The following YARS1 variants were observed in gnomAD, a reference collection of about 807,000 sequenced individuals.
YARS1 encodes tyrosyl-tRNA synthetase 1, also known as tyrosine--tRNA ligase, cytoplasmic.
Under a neutral mutation model 62.2 loss-of-function variants are expected in YARS1, and 36 were observed. The ratio of observed to expected loss-of-function variants is 0.58; its 90% CI spans 0.44 to 0.76. The LOEUF is 0.76. Among genes scored for constraint, YARS1 ranks in the 30% least tolerant of loss-of-function variants. YARS1 has a pLI of 0.00. For synonymous variants in YARS1, 234 were observed against 244.9 expected (o/e 0.96, Z 0.42); for missense variants, 524 against 639.8 (o/e 0.82, Z 1.95).
At chr1:32,801,178 G>A (rs1231403732) in intron 4 of YARS1, among the ~76,000 whole-genome samples, 3 of 152,144 alleles carry the variant, frequency 2.0e-5, no homozygotes, top group African/African-American at 7.2e-5. Flanking sequence ...GAGACACACA[G>A]GAAGGCCTAT....
Position 32,801,388 on chromosome 1 carries a change from T to A in YARS1, c.511-3545A>T, listed in dbSNP as rs558455940. 2.6e-5 allele frequency among the ~76,000 whole-genome samples: 4 copies of A among 152,288 alleles called. No homozygotes were observed. The East Asian group carries it at 7.7e-4, about 29-fold the overall frequency. Reference sequence around the variant, plus strand: ...ACCGTAGTCTATTTAAAGTGTGTAATAGCGTTACATCTACAAAAACAACGT... The same window carrying A: ...ACCGTAGTCTATTTAAAGTGTGTAAAAGCGTTACATCTACAAAAACAACGT... On this transcript the variant is annotated intron_variant, in intron 4 of 12. Coordinates refer to ENST00000373477, the MANE Select transcript of YARS1 (RefSeq NM_003680.4).
At chr1:32,814,956 C>T (rs960967128) in intron 1 of YARS1, among the ~76,000 whole-genome samples, 2 of 152,156 alleles carry the variant, frequency 1.3e-5, no homozygotes, top group African/African-American at 4.8e-5. Flanking sequence ...TGCTCCAAGT[C>T]TTTTGGCAGC....
At chr1:32,801,211 T>C (rs1047952531) in intron 4 of YARS1, among the ~76,000 whole-genome samples, 4 of 151,914 alleles carry the variant, frequency 2.6e-5, no homozygotes, top group African/African-American at 9.7e-5. Context: ...GAATAGAAAA[T>C]GCATATATTT....
chr1:32,794,493 A>G (rs1021987532), intron 5 of YARS1, among the ~76,000 whole-genome samples: 3 of 152,072 alleles, frequency 2.0e-5, no homozygotes, highest in Non-Finnish European at 4.4e-5. Flanking sequence ...AGGCTCAAAC[A>G]ATTCTCCTGT....
chr1:32,817,048 T>G (rs1174501460), intron 1 of YARS1, 140 bp downstream of exon 1: 8 of 1,082,088 alleles, frequency 7.4e-6, no homozygotes, highest in Non-Finnish European at 7.0e-6. Context: ...CGACCAGCAG[T>G]GAGATCTACA....
intron 1 of YARS1, 127 bp from the exon 2 acceptor site, chr1:32,811,184 G>A (rs1638577060): frequency 7.1e-7 from 1 of 1,407,642 alleles, no homozygotes. Flanking sequence ...AGGAGGTCCA[G>A]CCATGTTCTC....
At chr1:32,796,082 C>T (rs886827632) in intron 5 of YARS1, among the ~76,000 whole-genome samples, 1 of 151,888 alleles carries the variant, frequency 6.6e-6, no homozygotes, top group Non-Finnish European at 1.5e-5. Context: ...ATCATGAGGT[C>T]AGGAGTTCGA....
chr1:32,780,906 G>A, intron 10 of YARS1, 142 bp downstream of exon 10: 1 of 770,802 alleles, frequency 1.3e-6, no homozygotes, highest in South Asian at 1.4e-5. Flanking sequence ...AAAGCCTGAT[G>A]CCTGGAATTA....
chr1:32,812,496 G>C (rs1411726348), intron 1 of YARS1, among the ~76,000 whole-genome samples: 1 of 152,164 alleles, frequency 6.6e-6, no homozygotes, highest in Non-Finnish European at 1.5e-5. Flanking sequence ...ATATTTCTTT[G>C]ACATATTTTG....
At chr1:32,806,639 T>C in intron 3 of YARS1, 28 bp from the exon 4 acceptor site, 2 of 1,614,100 alleles carry the variant, frequency 1.2e-6, no homozygotes, top group Non-Finnish European at 8.5e-7. Flanking sequence ...AGGGGACAGC[T>C]GTAAACCTGG....
intron 1 of YARS1, among the ~76,000 whole-genome samples, chr1:32,814,055 A>C (rs751965786): frequency 6.6e-6 from 1 of 152,194 alleles, no homozygotes; most frequent in Non-Finnish European, 1.5e-5. Context: ...ACTATGAGCC[A>C]GTAACTCCCA....
chr1:32,797,421 G>A (rs1449736309), intron 5 of YARS1, among the ~76,000 whole-genome samples: 1 of 152,080 alleles, frequency 6.6e-6, no homozygotes, highest in East Asian at 1.9e-4. Context: ...CGAACCAAAT[G>A]CTCTGTGAAA....
chr1:32,804,682 G>A (rs1319319201), intron 4 of YARS1, among the ~76,000 whole-genome samples: 6 of 151,294 alleles, frequency 4.0e-5, no homozygotes, highest in Admixed American at 2.0e-4. Context: ...ATGGGCAGCC[G>A]GGCAGAGACG....
At chr1:32,803,626 T>C (rs1457023718) in intron 4 of YARS1, among the ~76,000 whole-genome samples, 1 of 152,218 alleles carries the variant, frequency 6.6e-6, no homozygotes, top group Non-Finnish European at 1.5e-5. Flanking sequence ...GGCTATTTCA[T>C]CTACCTTGAA....
At chr1:32,803,195 G>T (rs1462243058) in intron 4 of YARS1, among the ~76,000 whole-genome samples, 1 of 151,548 alleles carries the variant, frequency 6.6e-6, no homozygotes, top group African/African-American at 2.4e-5. Context: ...TGGCCAGGCT[G>T]GTCTCGAACT....
intron 4 of YARS1, among the ~76,000 whole-genome samples, chr1:32,803,738 C>CTTTTT (rs1282400425): frequency 6.8e-6 from 1 of 147,632 alleles, no homozygotes; most frequent in Non-Finnish European, 1.5e-5. Flanking sequence ...TCACCTTGCA[C>CTTTTT]TTTTTTTTTT....
chr1:32,777,369 T>C (rs990764927), intron 12 of YARS1, among the ~76,000 whole-genome samples: 2 of 151,756 alleles, frequency 1.3e-5, no homozygotes, highest in African/African-American at 2.4e-5. Context: ...TCCCAGCACT[T>C]TGGGAGGCCC....
Position 32,817,329 on chromosome 1 carries a change from TCA to T in YARS1, c.-87_-86del. On this transcript the variant is annotated 5_prime_UTR_variant, in exon 1 of 13. An upstream open reading frame in the 5' UTR loses its in-frame stop. Transcript: ENST00000373477. Reference sequence around the variant, plus strand: ...CGTCGCCGCCGCGTGCCGGGAACTGTCACGCGAGTCCAGCCAGGTTGCATCAG... The same window carrying T: ...CGTCGCCGCCGCGTGCCGGGAACTGTCGCGAGTCCAGCCAGGTTGCATCAG... 1 of 1,549,774 alleles carries T rather than the reference TCA, an allele frequency of 6.5e-7. No homozygotes were observed. The highest frequency in any genetic ancestry group is 8.9e-7 in the Non-Finnish European group (1 of 1,128,556).
chr1:32,813,720 C>A (rs1569783207), intron 1 of YARS1, among the ~76,000 whole-genome samples: 1 of 152,214 alleles, frequency 6.6e-6, no homozygotes, highest in East Asian at 1.9e-4. Context: ...ATTTCCTAAT[C>A]TCCCATTCCA....
Sources: gnomAD v4.1 joint callset for allele counts (sites outside exome capture counted in the v4.1 genomes callset) on GRCh38, gnomAD v4.1.1 for gene constraint, MANE v1.5 for transcripts, NCBI Gene and HGNC (gene_info 2026-07-23, HGNC 2026-07-21) for gene names.